The following CSNK1D variants were observed in gnomAD, a reference collection of about 807,000 sequenced individuals.
CSNK1D encodes the protein casein kinase I isoform delta.
A neutral mutation model predicts 46.6 loss-of-function variants in CSNK1D; 16 were observed. The ratio of observed to expected loss-of-function variants is 0.34; its 90% CI spans 0.23 to 0.52. CSNK1D has a LOEUF of 0.52. Among genes scored for constraint, CSNK1D ranks in the 20% least tolerant of loss-of-function variants. CSNK1D has a pLI of 0.95. For synonymous variants in CSNK1D, 276 were observed against 228.2 expected (o/e 1.21, Z -1.89); for missense variants, 398 against 578.4 (o/e 0.69, Z 3.20).
chr17:82,272,754 G>C (rs1471669981), intron 1 of CSNK1D, among the ~76,000 whole-genome samples: 5 of 152,212 alleles, frequency 3.3e-5, no homozygotes, highest in African/African-American at 1.2e-4. Context: ...AGACACCGGG[G>C]CAGCCTCTGA....
At chr17:82,257,445 T>A (rs529889186) in intron 2 of CSNK1D, among the ~76,000 whole-genome samples, 2 of 152,302 alleles carry the variant, frequency 1.3e-5, no homozygotes, top group South Asian at 2.1e-4. Context: ...TGTTTTTTTT[T>A]AAAGTGTTAA....
In CSNK1D at chr17:82,251,493, G is replaced by C. The variant is rs748247050; in HGVS notation, c.771C>G (p.Ser257=). 1 of 1,614,114 alleles carries C rather than the reference G, an allele frequency of 6.2e-7. No individual in the cohort carries two copies. Among genetic ancestry groups the C allele is most frequent in the Non-Finnish European group, 8.5e-7 (1 of 1,180,028 alleles). ...AGTCAGGCTTGTCGTCAAAACGCAA[G>C]GAACGGCAGAAATTCAGGTATGTGG... ...EFATYLNFCR[S]LRFDDKPDYS... The change falls in exon 6 of 9, where the codon TCC becomes TCG. Residue 257 remains serine (S), a synonymous_variant. Coordinates refer to ENST00000314028, the MANE Select transcript of CSNK1D (RefSeq NM_001893.6). The surrounding 1 kb of genome is among the most constrained non-coding windows in gnomAD (Gnocchi z 4.5).
chr17:82,260,834 T>TGACTGATGGTGTACC (rs2051321983), intron 2 of CSNK1D: 1 of 153,998 alleles, frequency 6.5e-6, no homozygotes, highest in African/African-American at 2.4e-5. Context: ...GATGGTGTAC[T>TGACTGATGGTGTACC]GACTGATGGT....
chr17:82,262,276 G>A (rs1238451049), intron 2 of CSNK1D, among the ~76,000 whole-genome samples: 2 of 152,250 alleles, frequency 1.3e-5, no homozygotes, highest in African/African-American at 4.8e-5. Context: ...TGCTTCAGCA[G>A]TAGCCTGGGG....
In CSNK1D at chr17:82,247,259, C is replaced by G. The variant is rs539061149; in HGVS notation, c.1197+1616G>C. On this transcript the variant is annotated intron_variant, in intron 8 of 8. Transcript: ENST00000314028. ...GCTGCGGGTTCCTGCCACAGCTCAC[C>G]ATGGAAGGAGACACTGCTCACGGCC... 3 of 985,414 alleles carry G rather than the reference C, an allele frequency of 3.0e-6. No homozygotes were observed. The East Asian group carries it at 3.4e-4, about 112-fold the overall frequency. The allele number at this position is 985,414 out of a possible 1,614,324, so 61.0% of individuals were successfully genotyped here. A position where few individuals can be genotyped will look rare whatever the true frequency, so the allele number is the denominator to read the frequency against.
rs904420649 is a variant in CSNK1D, at chr17:82,246,486, T to C, written c.1198-1655A>G. The stretch of plus-strand genomic sequence containing the variant: ...ATCGACTGTTGGAATGACAAGGCCT[T>C]CTTCTCACCAAGTAAAAACCCCAAA... On this transcript the variant is annotated intron_variant, in intron 8 of 8. Coordinates refer to ENST00000314028, the MANE Select transcript of CSNK1D (RefSeq NM_001893.6). 11 of 1,094,024 alleles carry C rather than the reference T, an allele frequency of 1.0e-5. No individual in the cohort carries two copies. In the South Asian group the frequency reaches 1.2e-4, roughly 12 times the overall value. The allele number at this position is 1,094,024 out of a possible 1,614,324, so 67.8% of individuals were successfully genotyped here.
intron 2 of CSNK1D, among the ~76,000 whole-genome samples, chr17:82,264,651 A>G (rs1599612580): frequency 6.6e-6 from 1 of 152,188 alleles, no homozygotes; most frequent in Non-Finnish European, 1.5e-5. Context: ...CTATAAGCAA[A>G]GCATGCGAAG....
In CSNK1D at chr17:82,242,863, G is replaced by A. The variant is rs1244996978; in HGVS notation, c.*1918C>T. 12 of 985,276 alleles carry A rather than the reference G, an allele frequency of 1.2e-5. No individual in the cohort carries two copies. The highest frequency in any genetic ancestry group is 1.7e-5 in the African/African-American group (1 of 57,220). 61.0% of individuals were successfully genotyped at this position (985,276 alleles called of 1,614,324 possible). On this transcript the variant is annotated 3_prime_UTR_variant, in exon 9 of 9. Coordinates refer to ENST00000314028, the MANE Select transcript of CSNK1D (RefSeq NM_001893.6). ...CACAAGCACTCCGAAGACGCGACCC[G>A]GCGAGGCTCGGGCTGGAACCCGGGC... is the stretch of plus-strand genomic sequence containing the variant.
At chr17:82,245,144 G>C (rs149542847) in intron 8 of CSNK1D, 283 of 553,416 alleles carry the variant, frequency 5.1e-4, no homozygotes, top group African/African-American at 4.9e-3. Context: ...AAAGGAACCT[G>C]GTGTTTGAAA....
chr17:82,241,481 G>T (rs79550361), downstream of CSNK1D, among the ~76,000 whole-genome samples: 36 of 152,374 alleles, frequency 2.4e-4, no homozygotes, highest in East Asian at 6.8e-3. Flanking sequence ...TGCCCCCGCA[G>T]ATGAGATGGA....
chr17:82,257,800 C>T (rs191992665), intron 2 of CSNK1D, among the ~76,000 whole-genome samples: 5 of 152,262 alleles, frequency 3.3e-5, no homozygotes, highest in Admixed American at 3.3e-4. Flanking sequence ...TCTCAATGTC[C>T]GGCATCCAAA....
At position 82,273,402 on chromosome 17, in the gene CSNK1D, C is replaced by G; in HGVS notation, c.-21G>C. On this transcript the variant is annotated 5_prime_UTR_variant, in exon 1 of 9. Coordinates refer to ENST00000314028, the MANE Select transcript of CSNK1D (RefSeq NM_001893.6). The surrounding 1 kb of genome is among the most constrained non-coding windows in gnomAD (Gnocchi z 5.1). The stretch of plus-strand genomic sequence containing the variant: ...TCCATGGCGGCGGCGGCCCGATTCG[C>G]TCCTGCCCTCCCGGCCGCTTCCTGG... The G allele has an allele frequency of 6.2e-7, 1 of 1,610,170 alleles. No individual in the cohort carries two copies. Among genetic ancestry groups the G allele is most frequent in the Non-Finnish European group, 8.5e-7 (1 of 1,179,156 alleles).
intron 8 of CSNK1D, chr17:82,245,111 G>A (rs1391483663): frequency 6.9e-6 from 4 of 583,404 alleles, no homozygotes; most frequent in Non-Finnish European, 1.2e-5. Context: ...AGCGGAGACG[G>A]GTGCTCCTGC....
chr17:82,249,190 G>A lies in CSNK1D; in HGVS notation c.1058-176C>T. The A allele has an allele frequency of 1.2e-6, 1 of 858,850 alleles. No homozygotes were observed. The highest frequency in any genetic ancestry group is 3.5e-4 in the Middle Eastern group (1 of 2,868). The allele number at this position is 858,850 out of a possible 1,614,324, so 53.2% of individuals were successfully genotyped here. A position where few individuals can be genotyped will look rare whatever the true frequency, so the allele number is the denominator to read the frequency against. On this transcript the variant is annotated intron_variant, in intron 7 of 8. Transcript: ENST00000314028. The surrounding 1 kb of genome is among the most constrained non-coding windows in gnomAD (Gnocchi z 6.7). ...GCCGGAGGGACACAAAGGGACATGGGAGCGAGGTCAAGGGGCTCACAGGGG... is the reference window on the plus strand; with the variant it reads ...GCCGGAGGGACACAAAGGGACATGGAAGCGAGGTCAAGGGGCTCACAGGGG...
Position 82,249,830 on chromosome 17 carries a change from C to T in CSNK1D, c.886-228G>A, listed in dbSNP as rs1441778071. ...GCTCCCCCAACAATCGAAAAAACCC[C>T]ACTCGCCATGGCATCTCCCTGTGGG... On this transcript the variant is annotated intron_variant, in intron 6 of 8. Coordinates refer to ENST00000314028, the MANE Select transcript of CSNK1D (RefSeq NM_001893.6). The surrounding 1 kb of genome is among the most constrained non-coding windows in gnomAD (Gnocchi z 6.7). 1.4e-6 allele frequency: 2 copies of T among 1,431,678 alleles called. No homozygotes were observed. Among genetic ancestry groups the T allele is most frequent in the African/African-American group, 1.4e-5 (1 of 69,634 alleles). The allele number at this position is 1,431,678 out of a possible 1,614,324, so 88.7% of individuals were successfully genotyped here.
chr17:82,259,692 G>C (rs1415204765), intron 2 of CSNK1D, among the ~76,000 whole-genome samples: 1 of 152,238 alleles, frequency 6.6e-6, no homozygotes, highest in African/African-American at 2.4e-5. Context: ...GCTCAACGCA[G>C]TATGAGTCAG....
At chr17:82,270,941 G>A (rs1162446137) in intron 1 of CSNK1D, among the ~76,000 whole-genome samples, 1 of 152,182 alleles carries the variant, frequency 6.6e-6, no homozygotes, top group Non-Finnish European at 1.5e-5. Flanking sequence ...GCTGAGTGAG[G>A]AGACAGCCTT....
At position 82,252,332 on chromosome 17, in the gene CSNK1D, G is replaced by C; in HGVS notation, c.736+102C>G. 7.3e-7 allele frequency: 1 copy of C among 1,367,836 alleles called. No individual in the cohort carries two copies. The highest frequency in any genetic ancestry group is 1.0e-6 in the Non-Finnish European group (1 of 958,292). 84.7% of individuals were successfully genotyped at this position (1,367,836 alleles called of 1,614,324 possible). On this transcript the variant is annotated intron_variant, in intron 5 of 8. Transcript: ENST00000314028. The surrounding 1 kb of genome is among the most constrained non-coding windows in gnomAD (Gnocchi z 4.6). ...CTGCCACCACCCCTTTGGAAGGTGAGCAACTCTTCTGACAAAACCCAGACT... is the reference window on the plus strand; with the variant it reads ...CTGCCACCACCCCTTTGGAAGGTGACCAACTCTTCTGACAAAACCCAGACT...
rs984515299 is a variant in CSNK1D, at chr17:82,243,423, C to G, written c.*1358G>C. 1 of 985,498 alleles carries G rather than the reference C, an allele frequency of 1.0e-6. No individual in the cohort carries two copies. The highest frequency in any genetic ancestry group is 1.2e-6 in the Non-Finnish European group (1 of 829,978). 61.0% of individuals were successfully genotyped at this position (985,498 alleles called of 1,614,324 possible). On this transcript the variant is annotated 3_prime_UTR_variant, in exon 9 of 9. Coordinates refer to ENST00000314028, the MANE Select transcript of CSNK1D (RefSeq NM_001893.6). Reference sequence around the variant, plus strand: ...CGCCCAAGTGCTGCGGAGTGAGAGGCGAGAAGGCATCCTGGGAACCTCAGG... The same window carrying G: ...CGCCCAAGTGCTGCGGAGTGAGAGGGGAGAAGGCATCCTGGGAACCTCAGG...
Sources: allele counts gnomAD v4.1 joint callset (sites outside exome capture counted in the v4.1 genomes callset), GRCh38; gene constraint gnomAD v4.1.1; non-coding constraint Gnocchi (gnomAD v3.1); transcripts MANE v1.5; gene names NCBI Gene and HGNC (gene_info 2026-07-23, HGNC 2026-07-21).